LRRTM4: variants seen among roughly 807,000 people sequenced by gnomAD.
LRRTM4 encodes the protein leucine rich repeat transmembrane neuronal 4.
A neutral mutation model predicts 47.6 loss-of-function variants in LRRTM4; 25 were observed. That is an observed-to-expected ratio of 0.53 (90% CI 0.38 to 0.73). The LOEUF is 0.73. Ranked by LOEUF, LRRTM4 falls within the 30% of genes least tolerant of loss-of-function variation. The pLI, the probability that LRRTM4 is intolerant of heterozygous loss-of-function variation, is 0.00. For missense variants in LRRTM4, 638 were observed against 713.4 expected (o/e 0.89, Z 1.20); for synonymous variants, 311 against 269.5 (o/e 1.15, Z -1.51).
chr2:77,339,132 A>C (rs1003179921), intron 3 of LRRTM4, among the ~76,000 whole-genome samples: 8 of 151,824 alleles, frequency 5.3e-5, no homozygotes, highest in African/African-American at 1.2e-4. Flanking sequence ...TTAAAAAAAA[A>C]CCTACCTTTT....
Position 77,012,697 on chromosome 2 carries a change from C to T in LRRTM4, c.1552-263781G>A, listed in dbSNP as rs1417726597. On this transcript the variant is annotated intron_variant, in intron 3 of 3. Coordinates refer to ENST00000409884, the MANE Select transcript of LRRTM4 (RefSeq NM_001134745.3). The stretch of plus-strand genomic sequence containing the variant: ...GGACCCAGAAGCATGAATTGAGTGA[C>T]CCCCAAACTCTGTGATTATGCAGCA... Among the ~76,000 whole-genome samples, 4 of 152,220 alleles carry T rather than the reference C, an allele frequency of 2.6e-5. No individual in the cohort carries two copies. In the East Asian group the frequency reaches 5.8e-4, roughly 22 times the overall value.
chr2:77,421,726 C>A (rs2103883229), intron 3 of LRRTM4, among the ~76,000 whole-genome samples: 1 of 152,030 alleles, frequency 6.6e-6, no homozygotes, highest in South Asian at 2.1e-4. Flanking sequence ...AAGGAAGAGT[C>A]CAGACACGTG....
intron 3 of LRRTM4, among the ~76,000 whole-genome samples, chr2:77,407,676 TAA>T (rs1491124135): frequency 4.1e-5 from 5 of 122,448 alleles, no homozygotes; most frequent in African/African-American, 1.7e-4. Context: ...AATAATTATA[TAA>T]TATTTAATAT....
chr2:76,844,548 G>A (rs1655452908), intron 3 of LRRTM4, among the ~76,000 whole-genome samples: 1 of 152,106 alleles, frequency 6.6e-6, no homozygotes, highest in African/African-American at 2.4e-5. Flanking sequence ...AAAGTTAAAT[G>A]AAACTATTTT....
chr2:76,932,099 A>G (rs1404451703), intron 3 of LRRTM4, among the ~76,000 whole-genome samples: 1 of 152,122 alleles, frequency 6.6e-6, no homozygotes, highest in Non-Finnish European at 1.5e-5. Context: ...TATTGTGTTC[A>G]TCCTGTTCCT....
At chr2:77,084,355 A>T (rs1680638759) in intron 3 of LRRTM4, among the ~76,000 whole-genome samples, 1 of 152,170 alleles carries the variant, frequency 6.6e-6, no homozygotes, top group Non-Finnish European at 1.5e-5. Context: ...GATGAGATGC[A>T]ATCAGCCTAC....
chr2:77,097,137 T>C (rs1004658390), intron 3 of LRRTM4, among the ~76,000 whole-genome samples: 3 of 151,844 alleles, frequency 2.0e-5, no homozygotes, highest in Non-Finnish European at 4.4e-5. Context: ...ATAATAGATA[T>C]GAAGAGAATT....
chr2:77,171,934 A>T (rs1047527327), intron 3 of LRRTM4, among the ~76,000 whole-genome samples: 1 of 152,146 alleles, frequency 6.6e-6, no homozygotes, highest in African/African-American at 2.4e-5. Context: ...TACAATTCAG[A>T]GGAGTCACAG....
intron 3 of LRRTM4, among the ~76,000 whole-genome samples, chr2:77,418,553 G>A (rs1674737897): frequency 6.6e-6 from 1 of 152,146 alleles, no homozygotes; most frequent in Non-Finnish European, 1.5e-5. Flanking sequence ...ATTCTCCACT[G>A]TTTGCAGAGG....
chr2:77,313,147 T>C (rs556125403), intron 3 of LRRTM4, among the ~76,000 whole-genome samples: 27 of 146,584 alleles, frequency 1.8e-4, no homozygotes, highest in African/African-American at 6.5e-4. Context: ...TATGTTTTCC[T>C]GGGACCTGTT....
intron 3 of LRRTM4, among the ~76,000 whole-genome samples, chr2:77,400,853 T>C (rs435044): frequency 0.33 from 49,619 of 151,698 alleles, 9,105 homozygotes; most frequent in East Asian, 0.53. Flanking sequence ...TCTGTTGTTG[T>C]AGAGCCCATG....
chr2:76,980,221 A>C (rs1028519978), intron 3 of LRRTM4, among the ~76,000 whole-genome samples: 3 of 152,044 alleles, frequency 2.0e-5, no homozygotes, highest in Non-Finnish European at 4.4e-5. Flanking sequence ...GAAAATGAGA[A>C]ATGGAGAAAG....
intron 3 of LRRTM4, among the ~76,000 whole-genome samples, chr2:77,502,710 T>C (rs1037406926): frequency 5.3e-5 from 8 of 151,538 alleles, no homozygotes; most frequent in Non-Finnish European, 1.2e-4. Context: ...CAGACATTAA[T>C]CAAGTCATTA....
intron 3 of LRRTM4, among the ~76,000 whole-genome samples, chr2:76,940,688 G>T (rs762689491): frequency 2.0e-5 from 3 of 152,092 alleles, no homozygotes; most frequent in Non-Finnish European, 4.4e-5. Flanking sequence ...CTGTTTCTTA[G>T]ATGTGACAAT....
chr2:77,333,452 G>A (rs537302233), intron 3 of LRRTM4, among the ~76,000 whole-genome samples: 1 of 152,272 alleles, frequency 6.6e-6, no homozygotes, highest in African/African-American at 2.4e-5. Flanking sequence ...TGGGAGATAG[G>A]GAAATTGGGA....
chr2:77,360,563 T>C (rs562988212), intron 3 of LRRTM4, among the ~76,000 whole-genome samples: 4 of 149,072 alleles, frequency 2.7e-5, no homozygotes, highest in African/African-American at 1.0e-4. Flanking sequence ...CATACATACA[T>C]ACATACATAC....
At chr2:76,993,684 A>T (rs1677092923) in intron 3 of LRRTM4, among the ~76,000 whole-genome samples, 1 of 151,932 alleles carries the variant, frequency 6.6e-6, no homozygotes, top group African/African-American at 2.4e-5. Context: ...GCCACTGTGG[A>T]AAGCAGTTTG....
At chr2:77,076,924 C>G (rs1278995082) in intron 3 of LRRTM4, among the ~76,000 whole-genome samples, 1 of 152,116 alleles carries the variant, frequency 6.6e-6, no homozygotes, top group East Asian at 1.9e-4. Flanking sequence ...ATCCTTTTCT[C>G]TCCCCTGTAT....
chr2:77,478,615 C>T (rs573809602), intron 3 of LRRTM4, among the ~76,000 whole-genome samples: 3 of 152,278 alleles, frequency 2.0e-5, no homozygotes, highest in African/African-American at 7.2e-5. Flanking sequence ...TTCTTTTGTA[C>T]ACATGCACTG....
Sources: allele counts gnomAD v4.1 joint callset (sites outside exome capture counted in the v4.1 genomes callset), GRCh38; gene constraint gnomAD v4.1.1; transcripts MANE v1.5; gene names NCBI Gene and HGNC (gene_info 2026-07-23, HGNC 2026-07-21).